STYX: variants seen among roughly 807,000 people sequenced by gnomAD.
The protein encoded by STYX is serine/threonine/tyrosine interacting protein, also known as serine/threonine/tyrosine-interacting protein.
A neutral mutation model predicts 42.7 loss-of-function variants in STYX; 20 were observed. The observed-to-expected ratio is 0.47, with a 90% CI of 0.33 to 0.68. STYX has a LOEUF of 0.68. STYX is among the 30% of genes least tolerant of loss of function. STYX has a pLI of 0.02. For synonymous variants in STYX, 78 were observed against 81.9 expected, an observed-to-expected ratio of 0.95 and a Z score of 0.26; for missense variants, 226 against 268.5, an observed-to-expected ratio of 0.84 and a Z score of 1.11.
At chr14:52,732,220 G>A (rs986540564) in intron 1 of STYX, among the ~76,000 whole-genome samples, 10 of 148,138 alleles carry the variant, frequency 6.8e-5, no homozygotes, top group African/African-American at 2.5e-4. Context: ...TCCTGCCTAA[G>A]CCTCCTGAGT....
At chr14:52,741,488 A>G (rs1468609707) in intron 1 of STYX, among the ~76,000 whole-genome samples, 1 of 152,046 alleles carries the variant, frequency 6.6e-6, no homozygotes, top group African/African-American at 2.4e-5. Flanking sequence ...CCCAGGCTGG[A>G]GTGCAGTGGT....
intron 4 of STYX, among the ~76,000 whole-genome samples, chr14:52,755,533 CTTAGCTAATTGCCTATAGTTG>C (rs1881828031): frequency 2.0e-5 from 3 of 152,100 alleles, no homozygotes; most frequent in Admixed American, 2.0e-4. Flanking sequence ...AATTTAATAA[CTTAGCTAATTGCCTATAGTTG>C]TGTTAATAAA....
chr14:52,750,039 T>C (rs1881548423), intron 3 of STYX, among the ~76,000 whole-genome samples: 1 of 152,202 alleles, frequency 6.6e-6, no homozygotes, highest in Non-Finnish European at 1.5e-5. Context: ...AAATCTGAAA[T>C]CTGAAACACT....
At chr14:52,770,108 C>T (rs1336306694) in intron 10 of STYX, among the ~76,000 whole-genome samples, 7 of 152,106 alleles carry the variant, frequency 4.6e-5, no homozygotes, top group Admixed American at 1.3e-4. Flanking sequence ...ATGCACTCTT[C>T]CTTTAACCCC....
At chr14:52,743,737 CT>C (rs1881287617) in intron 1 of STYX, among the ~76,000 whole-genome samples, 2 of 152,122 alleles carry the variant, frequency 1.3e-5, no homozygotes, top group Admixed American at 1.3e-4. Flanking sequence ...CTTCAGAAAC[CT>C]AATTACTAAT....
chr14:52,766,515 C>T (rs373330964), intron 9 of STYX, among the ~76,000 whole-genome samples: 3 of 151,842 alleles, frequency 2.0e-5, no homozygotes, highest in East Asian at 3.9e-4. Flanking sequence ...GCCATATTTT[C>T]CAGGTTGGTC....
At chr14:52,736,896 C>A (rs1880976885) in intron 1 of STYX, among the ~76,000 whole-genome samples, 1 of 152,092 alleles carries the variant, frequency 6.6e-6, no homozygotes, top group South Asian at 2.1e-4. Flanking sequence ...TTTCTTTTCT[C>A]CTTTGATTTA....
rs889710057 is a variant in STYX, at chr14:52,774,396, C to G, written c.*3290C>G. ...GTAAAGTAAATGAGCAGTTACCTGG[C>G]GGATTTTTTTTTTTTTAAATAACTG... On this transcript the variant is annotated 3_prime_UTR_variant, in exon 11 of 11. Transcript: ENST00000354586. The G allele has an allele frequency of 9.4e-6, 1 of 106,100 alleles. No homozygotes were observed. The highest frequency in any genetic ancestry group is 1.9e-5 in the Non-Finnish European group (1 of 51,832). 6.6% of individuals were successfully genotyped at this position (106,100 alleles called of 1,614,324 possible).
At chr14:52,762,925 C>T (rs1417498311) in intron 9 of STYX, among the ~76,000 whole-genome samples, 1 of 102,614 alleles carries the variant, frequency 9.7e-6, no homozygotes, top group East Asian at 3.3e-4. Flanking sequence ...GAGTCTTCTG[C>T]TCTGTTGCCC....
intron 9 of STYX, among the ~76,000 whole-genome samples, chr14:52,761,328 C>CAA (rs55985975): frequency 1.4e-3 from 151 of 106,628 alleles, no homozygotes; most frequent in South Asian, 8.1e-3. Context: ...AACTCCGTGT[C>CAA]AAAAAAAAAA....
chr14:52,768,680 T>G (rs74770021), intron 9 of STYX, among the ~76,000 whole-genome samples, 160 bp from the exon 10 acceptor site: 2 of 152,286 alleles, frequency 1.3e-5, no homozygotes, highest in East Asian at 3.9e-4. Flanking sequence ...GTTCTGAATT[T>G]ATGAGACAGG....
In STYX at chr14:52,757,868, C is replaced by T; in HGVS notation, c.381-6C>T. 1 of 1,612,878 alleles carries T rather than the reference C, an allele frequency of 6.2e-7. No homozygotes were observed. Reference sequence around the variant, plus strand: ...GTTGTTTTTAAAATTATTTTCCCCTCTTCAGTGCAGCCTTTGTTATTGCAT... The same window carrying T: ...GTTGTTTTTAAAATTATTTTCCCCTTTTCAGTGCAGCCTTTGTTATTGCAT... On this transcript the variant is annotated splice_polypyrimidine_tract_variant and splice_region_variant and intron_variant, in intron 7 of 10. Coordinates refer to ENST00000354586, the MANE Select transcript of STYX (RefSeq NM_145251.4).
intron 2 of STYX, 59 bp downstream of exon 2, chr14:52,744,943 A>C (rs912596119): frequency 1.6e-5 from 25 of 1,532,446 alleles, no homozygotes; most frequent in Admixed American, 1.1e-4. Flanking sequence ...TAAGAACCTT[A>C]GTTTATAGGA....
chr14:52,758,683 C>T (rs1300380923), intron 8 of STYX, among the ~76,000 whole-genome samples: 2 of 152,168 alleles, frequency 1.3e-5, no homozygotes, highest in African/African-American at 4.8e-5. Flanking sequence ...TCAAGCAATT[C>T]TCCTGCCTCA....
chr14:52,767,445 T>G (rs1882349500), intron 9 of STYX, among the ~76,000 whole-genome samples: 1 of 152,228 alleles, frequency 6.6e-6, no homozygotes, highest in African/African-American at 2.4e-5. Flanking sequence ...GGCATTTTCT[T>G]TATGACATTT....
intron 9 of STYX, among the ~76,000 whole-genome samples, chr14:52,766,489 G>A (rs1192061392): frequency 6.6e-6 from 1 of 151,786 alleles, no homozygotes; most frequent in Non-Finnish European, 1.5e-5. Context: ...ATTATTTTTG[G>A]TAGAGATGGG....
At chr14:52,757,228 A>G in intron 5 of STYX, 91 bp from the exon 6 acceptor site, 1 of 1,021,520 alleles carries the variant, frequency 9.8e-7, no homozygotes, top group South Asian at 1.8e-5. Context: ...TATACATATA[A>G]ATTAGGAAAT....
chr14:52,747,402 A>T (rs1489230441), intron 3 of STYX, among the ~76,000 whole-genome samples: 2 of 152,202 alleles, frequency 1.3e-5, no homozygotes, highest in Non-Finnish European at 2.9e-5. Context: ...CGGTTTTAAA[A>T]GGTCATTGAT....
chr14:52,757,851 TA>T, intron 7 of STYX, 22 bp from the exon 8 acceptor site: 1 of 1,613,126 alleles, frequency 6.2e-7, no homozygotes, highest in Non-Finnish European at 8.5e-7. Flanking sequence ...TGGTTGTTTT[TA>T]AAATTATTTT....
Sources: allele counts gnomAD v4.1 joint callset (sites outside exome capture counted in the v4.1 genomes callset), GRCh38; gene constraint gnomAD v4.1.1; transcripts MANE v1.5; gene names NCBI Gene and HGNC (gene_info 2026-07-23, HGNC 2026-07-21).